ATP5F1C: variants seen among roughly 807,000 people sequenced by gnomAD.
The protein encoded by ATP5F1C is ATP synthase F1 subunit gamma, also known as ATP synthase F(1) complex subunit gamma, mitochondrial.
ATP5F1C carries 22 observed loss-of-function variants against 37.4 expected under a neutral mutation model. That is an observed-to-expected ratio of 0.59 (90% CI 0.42 to 0.84). ATP5F1C has a LOEUF of 0.84. Among genes scored for constraint, ATP5F1C ranks in the 40% least tolerant of loss-of-function variants. The pLI is 0.00. For missense variants in ATP5F1C, 286 were observed against 362.4 expected (o/e 0.79, Z 1.71); for synonymous variants, 121 against 128.0 (o/e 0.95, Z 0.37).
At chr10:7,799,747 A>G in intron 4 of ATP5F1C, 25 bp from the exon 5 acceptor site, 2 of 1,609,436 alleles carry the variant, frequency 1.2e-6, no homozygotes, top group South Asian at 1.1e-5. Context: ...TAAACTAGCT[A>G]TGTGAGCTCT....
Position 7,799,507 on chromosome 10 carries a change from A to G in ATP5F1C, c.429-265A>G. 7.1e-6 allele frequency: 4 copies of G among 561,560 alleles called. No homozygotes were observed. The South Asian group carries it at 9.5e-5, about 13-fold the overall frequency. 34.8% of individuals were successfully genotyped at this position (561,560 alleles called of 1,614,324 possible). A position where few individuals can be genotyped will look rare whatever the true frequency, so the allele number is the denominator to read the frequency against. On this transcript the variant is annotated intron_variant, in intron 4 of 9. Coordinates refer to ENST00000356708, the MANE Select transcript of ATP5F1C (RefSeq NM_001001973.3). ...ATCTGAGGAGCTGTTACAGCCTGGAAATGTTAGCAATAGTTCATTAGGATT... is the reference window on the plus strand; with the variant it reads ...ATCTGAGGAGCTGTTACAGCCTGGAGATGTTAGCAATAGTTCATTAGGATT...
Position 7,788,195 on chromosome 10 carries a change from G to A in ATP5F1C, c.-13G>A. 2 of 1,613,076 alleles carry A rather than the reference G, an allele frequency of 1.2e-6. No individual in the cohort carries two copies. The highest frequency in any genetic ancestry group is 1.7e-6 in the Non-Finnish European group (2 of 1,179,886). On this transcript the variant is annotated 5_prime_UTR_variant, in exon 1 of 10. Coordinates refer to ENST00000356708, the MANE Select transcript of ATP5F1C (RefSeq NM_001001973.3). Reference sequence around the variant, plus strand: ...GGCCTGCCTGACCGACCTTCAGCAGGGCTGTGGCTACCATGTTCTCTCGCG... The same window carrying A: ...GGCCTGCCTGACCGACCTTCAGCAGAGCTGTGGCTACCATGTTCTCTCGCG...
At position 7,802,294 on chromosome 10, in the gene ATP5F1C, T is replaced by G. The variant is rs767137801; in HGVS notation, c.662T>G (p.Ile221Ser). The change falls in exon 7 of 10, where the codon ATT becomes AGT. Residue 221 changes from isoleucine (I) to serine (S), a missense_variant. Transcript: ENST00000356708. ...SADSMSIYDD[I>S]DADVLQNYQE... Reference sequence around the variant, plus strand: ...GACAGCATGAGTATCTATGACGATATTGATGCTGACGTGCTGCAAAATTAC... The same window carrying G: ...GACAGCATGAGTATCTATGACGATAGTGATGCTGACGTGCTGCAAAATTAC... 1 of 1,613,136 alleles carries G rather than the reference T, an allele frequency of 6.2e-7. No individual in the cohort carries two copies. Among genetic ancestry groups the G allele is most frequent in the African/African-American group, 1.3e-5 (1 of 74,922 alleles).
chr10:7,806,652 T>TC (rs1836487997), intron 8 of ATP5F1C, among the ~76,000 whole-genome samples: 2 of 131,154 alleles, frequency 1.5e-5, no homozygotes, highest in African/African-American at 2.7e-5. Flanking sequence ...AGACTCCATC[T>TC]CCAAAAAAAA....
chr10:7,802,727 T>G, intron 7 of ATP5F1C, 31 bp from the exon 8 acceptor site: 1 of 1,593,500 alleles, frequency 6.3e-7, no homozygotes, highest in Non-Finnish European at 8.6e-7. Context: ...AGTTTCAGAT[T>G]TTTTATGTAG....
In ATP5F1C at chr10:7,798,188, G is replaced by GT. The variant is rs1041419925; in HGVS notation, c.224-795dup. ...GTATCTCAACTGACAGCTGTCCTTT[G>GT]TTTTTTTATGTGTGTGTGTGTGTTT... On this transcript the variant is annotated intron_variant, in intron 3 of 9. Transcript: ENST00000356708. Among the ~76,000 whole-genome samples, 4 of 150,580 alleles carry GT rather than the reference G, an allele frequency of 2.7e-5. No individual in the cohort carries two copies. In the East Asian group the frequency reaches 5.9e-4, roughly 22 times the overall value.
intron 6 of ATP5F1C, among the ~76,000 whole-genome samples, chr10:7,800,871 G>A (rs1166076643): frequency 1.3e-5 from 2 of 152,188 alleles, no homozygotes; most frequent in Non-Finnish European, 2.9e-5. Context: ...GATAACTCCT[G>A]CTCTATTCTG....
Position 7,797,051 on chromosome 10 carries a change from C to G in ATP5F1C, c.96C>G (p.Thr32=). 1 of 1,613,710 alleles carries G rather than the reference C, an allele frequency of 6.2e-7. No homozygotes were observed. Residue 32 remains threonine, a synonymous_variant, in exon 3 of 10, where the codon ACC becomes ACG. Coordinates refer to ENST00000356708, the MANE Select transcript of ATP5F1C (RefSeq NM_001001973.3). The part of the protein sequence containing the change: ...VRNMATLKDI[T]RRLKSIKNIQ... ...CACAGTACTTCTATTTTTCAGTCAC[C>G]AGGAGACTAAAGTCCATCAAAAACA...
intron 1 of ATP5F1C, among the ~76,000 whole-genome samples, chr10:7,791,484 ACTC>A (rs1224776141): frequency 2.6e-5 from 4 of 151,940 alleles, no homozygotes; most frequent in African/African-American, 9.7e-5. Flanking sequence ...ATCTTAATAT[ACTC>A]CTTAAAAATC....
chr10:7,802,497 C>G, intron 7 of ATP5F1C, 72 bp downstream of exon 7: 1 of 1,523,810 alleles, frequency 6.6e-7, no homozygotes, highest in Non-Finnish European at 8.8e-7. Context: ...TGAGAGGAGT[C>G]CGTGGCCGAG....
rs1256189301 is a variant in ATP5F1C, at chr10:7,802,299, G to T, written c.667G>T (p.Ala223Ser). The change falls in exon 7 of 10, where the codon GCT (alanine) becomes TCT (serine). Residue 223 changes from alanine (A) to serine (S), a missense_variant. Coordinates refer to ENST00000356708, the MANE Select transcript of ATP5F1C (RefSeq NM_001001973.3). The stretch of plus-strand genomic sequence containing the variant: ...CATGAGTATCTATGACGATATTGAT[G>T]CTGACGTGCTGCAAAATTACCAAGA... ...DSMSIYDDID[A>S]DVLQNYQEYN... 1 of 1,613,390 alleles carries T rather than the reference G, an allele frequency of 6.2e-7. No individual in the cohort carries two copies. Among genetic ancestry groups the T allele is most frequent in the African/African-American group, 1.3e-5 (1 of 74,890 alleles).
Position 7,797,154 on chromosome 10 carries a change from C to T in ATP5F1C, c.199C>T (p.Arg67Ter). Reference protein sequence around the residue: ...ARAERELKPARIYGLGSLALY... With the variant: ...ARAERELKPA ...AGCTGAGAGAGAGCTGAAACCAGCT[C>T]GAATATATGGATTGGGATCTTTAGG... Residue 67 changes from arginine (R) to a stop codon, truncating the protein, a stop_gained, in exon 3 of 10, where the codon CGA becomes TGA. Transcript: ENST00000356708. LOFTEE classifies it high-confidence loss of function. 6.2e-7 allele frequency: 1 copy of T among 1,613,888 alleles called. No individual in the cohort carries two copies. Among genetic ancestry groups the T allele is most frequent in the Non-Finnish European group, 8.5e-7 (1 of 1,179,956 alleles).
chr10:7,798,133 T>C (rs1836276387), intron 3 of ATP5F1C, among the ~76,000 whole-genome samples: 1 of 152,248 alleles, frequency 6.6e-6, no homozygotes, highest in Non-Finnish European at 1.5e-5. Context: ...GATCATGCAG[T>C]GAACCCCCTA....
At chr10:7,789,110 G>A (rs1009245150) in intron 1 of ATP5F1C, among the ~76,000 whole-genome samples, 1 of 152,048 alleles carries the variant, frequency 6.6e-6, no homozygotes, top group African/African-American at 2.4e-5. Flanking sequence ...TAGAAGGCCC[G>A]GGAATGGGCA....
chr10:7,800,606 T>C (rs1333249462), intron 6 of ATP5F1C, among the ~76,000 whole-genome samples: 1 of 151,940 alleles, frequency 6.6e-6, no homozygotes, highest in Non-Finnish European at 1.5e-5. Flanking sequence ...GCCGTTCTCC[T>C]GCCTCAGCCT....
chr10:7,796,493 C>T (rs917229368), intron 2 of ATP5F1C: 1 of 188,120 alleles, frequency 5.3e-6, no homozygotes, highest in Non-Finnish European at 1.1e-5. Flanking sequence ...CTTTCAATAC[C>T]ATTTAATGTT....
intron 8 of ATP5F1C, among the ~76,000 whole-genome samples, chr10:7,803,121 G>A (rs1043238481): frequency 1.3e-5 from 2 of 152,098 alleles, no homozygotes; most frequent in Non-Finnish European, 2.9e-5. Flanking sequence ...TATCATTTAT[G>A]AAATCTTTTT....
chr10:7,804,134 T>G lies in ATP5F1C; in HGVS notation c.890+1280T>G, dbSNP rs778546878. 9 of 519,056 alleles carry G rather than the reference T, an allele frequency of 1.7e-5. No individual in the cohort carries two copies. The Admixed American group carries it at 1.7e-4, about 10-fold the overall frequency. The allele number at this position is 519,056 out of a possible 1,614,324, so 32.2% of individuals were successfully genotyped here. A position where few individuals can be genotyped will look rare whatever the true frequency, so the allele number is the denominator to read the frequency against. On this transcript the variant is annotated intron_variant, in intron 8 of 9. Transcript: ENST00000356708. ...GTGGCCTGGAGCTAAGAATGGGTTC[T>G]GCATTTTTAAAGGGATATAAGAAAA...
chr10:7,806,871 A>G, intron 8 of ATP5F1C, 103 bp from the exon 9 acceptor site: 2 of 969,214 alleles, frequency 2.1e-6, no homozygotes, highest in Non-Finnish European at 3.2e-6. Flanking sequence ...CAAGTTTAAC[A>G]ATTGACTTTT....
Sources: allele counts gnomAD v4.1 joint callset (sites outside exome capture counted in the v4.1 genomes callset), GRCh38; gene constraint gnomAD v4.1.1; transcripts MANE v1.5; gene names NCBI Gene and HGNC (gene_info 2026-07-23, HGNC 2026-07-21).